NEDD9: variants seen among roughly 807,000 people sequenced by gnomAD.
NEDD9 encodes the protein neural precursor cell expressed, developmentally down-regulated 9, also known as enhancer of filamentation 1.
A neutral mutation model predicts 76.6 loss-of-function variants in NEDD9; 26 were observed. The ratio of observed to expected loss-of-function variants is 0.34; its 90% CI spans 0.25 to 0.47. The LOEUF (loss-of-function observed/expected upper bound fraction) is 0.47. Among genes scored for constraint, NEDD9 ranks in the 20% least tolerant of loss-of-function variants. The probability of loss-of-function intolerance (pLI) is 1.00; values close to 1 mark genes in which losing one functional copy is unlikely to be tolerated. For synonymous variants in NEDD9, 392 were observed against 414.2 expected, an observed-to-expected ratio of 0.95 and a Z score of 0.65; for missense variants, 937 against 1,058.5, an observed-to-expected ratio of 0.89 and a Z score of 1.59.
intron 3 of NEDD9, among the ~76,000 whole-genome samples, chr6:11,262,819 T>A (rs1403320332): frequency 2.0e-5 from 3 of 152,266 alleles, no homozygotes; most frequent in Non-Finnish European, 2.9e-5. Flanking sequence ...AATTATGACA[T>A]CTGCTTAATG....
chr6:11,353,422 C>T (rs546671702), intron 1 of NEDD9, among the ~76,000 whole-genome samples: 4 of 152,272 alleles, frequency 2.6e-5, no homozygotes, highest in African/African-American at 9.6e-5. Flanking sequence ...AAGATGGAGG[C>T]ACAGGTGTGA....
Position 11,196,058 on chromosome 6 carries a change from G to A in NEDD9, c.460-2366C>T, listed in dbSNP as rs1263212473. On this transcript the variant is annotated intron_variant, in intron 2 of 6. Transcript: ENST00000379446. Reference sequence around the variant, plus strand: ...GGTGGCTCACGCTTGTAATCCCAGCGCTTTGGGAGGGCAAGGATCGCGGAT... The same window carrying A: ...GGTGGCTCACGCTTGTAATCCCAGCACTTTGGGAGGGCAAGGATCGCGGAT... Among the ~76,000 whole-genome samples the A allele has an allele frequency of 2.6e-5, 4 of 151,976 alleles. No individual in the cohort carries two copies. The South Asian group carries it at 6.2e-4, about 24-fold the overall frequency.
chr6:11,349,226 C>T (rs979312464), intron 1 of NEDD9, among the ~76,000 whole-genome samples: 1 of 152,180 alleles, frequency 6.6e-6, no homozygotes, highest in Admixed American at 6.5e-5. Context: ...GAGATACTAT[C>T]TCACACCAGT....
exon 1 of NEDD9, chr6:11,382,270 A>G (rs904877727): frequency 6.6e-6 from 1 of 152,268 alleles, no homozygotes; most frequent in Non-Finnish European, 1.5e-5. Context: ...CAGCGAGCGG[A>G]CTTGCTTCTA....
intron 1 of NEDD9, among the ~76,000 whole-genome samples, chr6:11,369,645 A>G (rs779356877): frequency 1.1e-4 from 16 of 152,218 alleles, no homozygotes; most frequent in Non-Finnish European, 1.3e-4. Flanking sequence ...ACCCAATCCC[A>G]AAACATTTAA....
chr6:11,217,290 G>C (rs1758982336), intron 1 of NEDD9, among the ~76,000 whole-genome samples: 1 of 152,216 alleles, frequency 6.6e-6, no homozygotes, highest in Admixed American at 6.5e-5. Context: ...CTCTCCTTCA[G>C]TGCAAAGGTG....
chr6:11,235,347 T>C (rs1759576810), upstream of NEDD9, among the ~76,000 whole-genome samples: 1 of 152,186 alleles, frequency 6.6e-6, no homozygotes, highest in Non-Finnish European at 1.5e-5. This position sits in a 1 kb window ranked among gnomAD's most constrained non-coding sequence, Gnocchi z 4.1. Flanking sequence ...GAGGAACCCC[T>C]TCTCTGTGTG....
intron 5 of NEDD9, among the ~76,000 whole-genome samples, chr6:11,189,167 G>C (rs1412371506): frequency 1.3e-5 from 2 of 152,146 alleles, no homozygotes; most frequent in Non-Finnish European, 2.9e-5. Context: ...GGCTGGTCTT[G>C]AACTCCTGAC....
At chr6:11,337,835 G>C (rs773450488) in intron 1 of NEDD9, among the ~76,000 whole-genome samples, 11 of 152,202 alleles carry the variant, frequency 7.2e-5, no homozygotes, top group Non-Finnish European at 1.0e-4. Flanking sequence ...AGTTAAGCAA[G>C]TTTAAGCTCT....
chr6:11,273,696 C>A (rs1419207437), intron 3 of NEDD9, among the ~76,000 whole-genome samples: 1 of 152,174 alleles, frequency 6.6e-6, no homozygotes, highest in African/African-American at 2.4e-5. Flanking sequence ...ATTGTTCATA[C>A]AATGGAAGGC....
intron 1 of NEDD9, among the ~76,000 whole-genome samples, chr6:11,231,749 C>T (rs891009893): frequency 4.6e-5 from 7 of 152,062 alleles, no homozygotes; most frequent in Non-Finnish European, 1.0e-4. Context: ...GTCAAAAATC[C>T]TTTTGGCAAG....
chr6:11,284,503 T>C (rs1760607116), intron 3 of NEDD9, among the ~76,000 whole-genome samples: 1 of 151,496 alleles, frequency 6.6e-6, no homozygotes, highest in African/African-American at 2.4e-5. Context: ...GAGGTGGATG[T>C]TGCAATGAGA....
intron 1 of NEDD9, among the ~76,000 whole-genome samples, chr6:11,341,721 T>A (rs1401947297): frequency 6.6e-6 from 1 of 152,198 alleles, no homozygotes; most frequent in African/African-American, 2.4e-5. Flanking sequence ...TGAAGAGTGC[T>A]GAGCTAGAGC....
In NEDD9 at chr6:11,232,443, G is replaced by A. The variant is rs879530271; in HGVS notation, c.12+61C>T. ...GACAGTAAGGAACACGCATACACAAGCACACACCCGCAGGCACAGCTTTCA... is the reference window on the plus strand; with the variant it reads ...GACAGTAAGGAACACGCATACACAAACACACACCCGCAGGCACAGCTTTCA... On this transcript the variant is annotated intron_variant, in intron 1 of 6. Transcript: ENST00000379446. 57 of 1,602,974 alleles carry A rather than the reference G, an allele frequency of 3.6e-5. 1 individual carries two copies. The African/African-American group carries it at 4.7e-4, about 13-fold the overall frequency.
At chr6:11,253,938 C>T (rs1397512718) in intron 3 of NEDD9, among the ~76,000 whole-genome samples, 1 of 151,856 alleles carries the variant, frequency 6.6e-6, no homozygotes, top group Non-Finnish European at 1.5e-5. Context: ...TTTGGAGCCA[C>T]CAATTAATAT....
intron 2 of NEDD9, among the ~76,000 whole-genome samples, chr6:11,307,580 C>A (rs1280738952): frequency 1.3e-5 from 2 of 152,062 alleles, no homozygotes; most frequent in Non-Finnish European, 1.5e-5. Flanking sequence ...TATAAGACAA[C>A]CTCTCAGAGC....
chr6:11,232,621 G>A lies in NEDD9; in HGVS notation c.-106C>T, dbSNP rs1759517575. 6.3e-7 allele frequency: 1 copy of A among 1,598,588 alleles called. No individual in the cohort carries two copies. The highest frequency in any genetic ancestry group is 8.5e-7 in the Non-Finnish European group (1 of 1,173,180). ...TGCAGCGCTAGATGAAAGCGAGAAGGTCCCGGGCAGAGCCGCTTGTCAGTC... is the reference window on the plus strand; with the variant it reads ...TGCAGCGCTAGATGAAAGCGAGAAGATCCCGGGCAGAGCCGCTTGTCAGTC... On this transcript the variant is annotated 5_prime_UTR_variant, in exon 1 of 7. Coordinates refer to ENST00000379446, the MANE Select transcript of NEDD9 (RefSeq NM_006403.4).
intron 2 of NEDD9, among the ~76,000 whole-genome samples, chr6:11,327,175 A>G (rs1761946593): frequency 6.6e-6 from 1 of 152,174 alleles, no homozygotes; most frequent in Non-Finnish European, 1.5e-5. Context: ...GTCACTTAAC[A>G]TCTCTGGGCC....
At chr6:11,304,763 A>G (rs1057121770) in intron 3 of NEDD9, among the ~76,000 whole-genome samples, 5 of 152,244 alleles carry the variant, frequency 3.3e-5, no homozygotes, top group African/African-American at 1.2e-4. Flanking sequence ...CAATGAGAAC[A>G]CATGGACACA....
Sources: allele counts gnomAD v4.1 joint callset (sites outside exome capture counted in the v4.1 genomes callset), GRCh38; gene constraint gnomAD v4.1.1; non-coding constraint Gnocchi (gnomAD v3.1); transcripts MANE v1.5; gene names NCBI Gene and HGNC (gene_info 2026-07-23, HGNC 2026-07-21).